The following C8orf34 variants were observed in gnomAD, a reference collection of about 807,000 sequenced individuals.
C8orf34 encodes the protein uncharacterized protein C8orf34.
C8orf34 carries 65 observed loss-of-function variants against 68.3 expected under a neutral mutation model. The observed-to-expected ratio is 0.95, with a 90% CI of 0.78 to 1.17. The LOEUF (loss-of-function observed/expected upper bound fraction) is 1.17. Ranked by LOEUF, C8orf34 falls within the 50% of genes most tolerant of loss-of-function variation. The pLI is 0.00. For missense variants in C8orf34, 664 were observed against 655.4 expected (o/e 1.01, Z -0.14); for synonymous variants, 244 against 241.2 (o/e 1.01, Z -0.11).
intron 8 of C8orf34, among the ~76,000 whole-genome samples, chr8:68,703,689 C>T (rs1427089390): frequency 2.0e-5 from 3 of 152,140 alleles, no homozygotes; most frequent in Non-Finnish European, 4.4e-5. Flanking sequence ...TCAGTGGGCA[C>T]ACCTCATTAG....
At chr8:68,538,885 G>A (rs1815591840) in intron 7 of C8orf34, among the ~76,000 whole-genome samples, 1 of 152,082 alleles carries the variant, frequency 6.6e-6, no homozygotes, top group Non-Finnish European at 1.5e-5. Context: ...AAAGAAAAAT[G>A]TTTTCTGCCT....
chr8:68,641,107 A>T (rs1818995329), intron 8 of C8orf34, among the ~76,000 whole-genome samples: 1 of 152,150 alleles, frequency 6.6e-6, no homozygotes, highest in Non-Finnish European at 1.5e-5. Context: ...ACTAAATCTC[A>T]TTTGCAAAGA....
chr8:68,343,927 A>G (rs1806176604), intron 1 of C8orf34, among the ~76,000 whole-genome samples: 2 of 152,010 alleles, frequency 1.3e-5, no homozygotes, highest in South Asian at 4.1e-4. Flanking sequence ...GGGTTTCACC[A>G]TGTTGCTCAG....
intron 1 of C8orf34, among the ~76,000 whole-genome samples, chr8:68,411,570 T>C (rs1809445326): frequency 6.6e-6 from 1 of 152,226 alleles, no homozygotes. Context: ...CATTGAATAA[T>C]TTTGGTACTA....
rs370498420 is a variant in C8orf34 at position 68,764,380 on chromosome 8, C to T, written c.1405-12019C>T. ...CTCTGTTTGACCTCTTGGCCCAGGC[C>T]TTGCAAATATTAAGGTTGGGTCTGT... On this transcript the variant is annotated intron_variant, in intron 10 of 13. Transcript: ENST00000518698. Among the ~76,000 whole-genome samples the T allele has an allele frequency of 3.9e-5, 6 of 152,172 alleles. No individual in the cohort carries two copies. In the East Asian group the frequency reaches 1.2e-3, roughly 29 times the overall value.
chr8:68,392,771 A>G (rs779514426), intron 1 of C8orf34, among the ~76,000 whole-genome samples: 1 of 152,150 alleles, frequency 6.6e-6, no homozygotes, highest in Non-Finnish European at 1.5e-5. Flanking sequence ...TGCTTATGGT[A>G]GGGACTAGAG....
Position 68,460,179 on chromosome 8 carries a change from C to T in C8orf34, c.608-8513C>T, listed in dbSNP as rs971613478. 5.3e-5 allele frequency among the ~76,000 whole-genome samples: 8 copies of T among 152,282 alleles called. No homozygotes were observed. In the East Asian group the frequency reaches 1.4e-3, roughly 26 times the overall value. ...GGAGGGTCCTACACCCACGGAGTCT[C>T]GCTGATTGCTAGCACAGCAGTCTGA... On this transcript the variant is annotated intron_variant, in intron 3 of 13. Coordinates refer to ENST00000518698, the MANE Select transcript of C8orf34 (RefSeq NM_052958.4).
intron 8 of C8orf34, among the ~76,000 whole-genome samples, chr8:68,689,805 A>T (rs1352752496): frequency 6.6e-6 from 1 of 151,822 alleles, no homozygotes; most frequent in Non-Finnish European, 1.5e-5. Flanking sequence ...TTACAAAAAA[A>T]CTCTTCCAAT....
At chr8:68,624,920 T>TG (rs201944486) in intron 7 of C8orf34, among the ~76,000 whole-genome samples, 4,322 of 151,686 alleles carry the variant, frequency 0.028, 217 homozygotes, top group African/African-American at 0.096. Flanking sequence ...CTTTTTTTTT[T>TG]TTTGTGTAGC....
intron 6 of C8orf34, among the ~76,000 whole-genome samples, chr8:68,529,815 A>T (rs1815170303): frequency 6.6e-6 from 1 of 152,120 alleles, no homozygotes; most frequent in Non-Finnish European, 1.5e-5. Flanking sequence ...ATTTATGCTT[A>T]TTCATATAAA....
chr8:68,640,205 T>C (rs1818963085), intron 7 of C8orf34, among the ~76,000 whole-genome samples, 171 bp from the exon 8 acceptor site: 1 of 152,232 alleles, frequency 6.6e-6, no homozygotes, highest in African/African-American at 2.4e-5. Context: ...TGTCTCCAAC[T>C]ACGTCTAGAA....
At chr8:68,708,843 A>G (rs918531702) in intron 8 of C8orf34, 151 bp from the exon 9 acceptor site, 2 of 661,716 alleles carry the variant, frequency 3.0e-6, no homozygotes, top group Non-Finnish European at 5.3e-6. Flanking sequence ...TCCTATATTA[A>G]AATGGCTTTA....
chr8:68,812,667 A>T (rs1035212007), intron 12 of C8orf34, among the ~76,000 whole-genome samples: 2 of 152,198 alleles, frequency 1.3e-5, no homozygotes, highest in African/African-American at 4.8e-5. Flanking sequence ...AATGTTCAAC[A>T]TATACTTAAT....
At chr8:68,389,580 A>G (rs1180195123) in intron 1 of C8orf34, among the ~76,000 whole-genome samples, 1 of 152,152 alleles carries the variant, frequency 6.6e-6, no homozygotes, top group Non-Finnish European at 1.5e-5. Context: ...TCCCTTGTTA[A>G]GAGGCAGGGA....
intron 7 of C8orf34, among the ~76,000 whole-genome samples, chr8:68,600,289 CCTTAA>C (rs1481237290): frequency 1.3e-5 from 2 of 152,104 alleles, no homozygotes; most frequent in Admixed American, 6.6e-5. Flanking sequence ...AATATAATTG[CCTTAA>C]CTTAATTCCC....
chr8:68,763,769 G>T (rs1041480490), intron 10 of C8orf34, among the ~76,000 whole-genome samples: 1 of 152,146 alleles, frequency 6.6e-6, no homozygotes, highest in African/African-American at 2.4e-5. Flanking sequence ...ATTCATTCAA[G>T]AACTGTTTTG....
intron 8 of C8orf34, among the ~76,000 whole-genome samples, chr8:68,707,540 T>A (rs1821201300): frequency 6.6e-6 from 1 of 152,164 alleles, no homozygotes; most frequent in South Asian, 2.1e-4. Flanking sequence ...CTTCTTTCTG[T>A]CTTTGTTGGA....
At chr8:68,763,882 G>C (rs1475529080) in intron 10 of C8orf34, among the ~76,000 whole-genome samples, 1 of 152,154 alleles carries the variant, frequency 6.6e-6, no homozygotes, top group Non-Finnish European at 1.5e-5. Flanking sequence ...ACTAGCCCAA[G>C]GCTGTATCCC....
intron 8 of C8orf34, among the ~76,000 whole-genome samples, chr8:68,683,208 A>G (rs1820419289): frequency 6.6e-6 from 1 of 152,076 alleles, no homozygotes; most frequent in Admixed American, 6.6e-5. Flanking sequence ...CAATTAAGTC[A>G]TATAGAATAT....
Sources: allele counts gnomAD v4.1 joint callset (sites outside exome capture counted in the v4.1 genomes callset), GRCh38; gene constraint gnomAD v4.1.1; transcripts MANE v1.5; gene names NCBI Gene and HGNC (gene_info 2026-07-23, HGNC 2026-07-21).